The following ANK2 variants were observed in gnomAD, a reference collection of about 807,000 sequenced individuals.
ANK2 encodes the protein ankyrin-2.
A neutral mutation model predicts 360.5 loss-of-function variants in ANK2; 83 were observed. That is an observed-to-expected ratio of 0.23 (90% CI 0.19 to 0.28). ANK2 has a LOEUF of 0.28. Among genes scored for constraint, ANK2 ranks in the 10% least tolerant of loss-of-function variants. ANK2 has a pLI of 1.00. For synonymous variants in ANK2, 1,740 were observed against 1,759.5 expected (o/e 0.99, Z 0.28); for missense variants, 4,201 against 4,795.7 (o/e 0.88, Z 3.66).
At chr4:112,826,990 T>C (rs1217941373) in intron 1 of ANK2, 6 of 1,524,408 alleles carry the variant, frequency 3.9e-6, no homozygotes, top group African/African-American at 2.7e-5. Flanking sequence ...TTTCTTTTTA[T>C]TGGAGTTCTA....
At chr4:112,801,049 A>G in the ANK2 span, among the ~76,000 whole-genome samples, 1 of 151,850 alleles carries the variant, frequency 6.6e-6, no homozygotes, top group Non-Finnish European at 1.5e-5. Flanking sequence ...AGAATTATGT[A>G]GGACACCAAG....
At chr4:113,182,591 G>T (rs755293060) in intron 2 of ANK2, among the ~76,000 whole-genome samples, 1 of 152,040 alleles carries the variant, frequency 6.6e-6, no homozygotes, top group African/African-American at 2.4e-5. Flanking sequence ...AAAACCTGAA[G>T]TTGTGATTTC....
chr4:113,062,141 TATTA>T (rs2073784248), intron 1 of ANK2, among the ~76,000 whole-genome samples: 1 of 152,102 alleles, frequency 6.6e-6, no homozygotes, highest in Non-Finnish European at 1.5e-5. Context: ...AAAGCAGAAT[TATTA>T]ATTTAGAAGC....
At position 113,170,860 on chromosome 4, in the gene ANK2, A is replaced by G. The variant is rs534480551; in HGVS notation, c.85-3556A>G. Among the ~76,000 whole-genome samples, 6 of 152,302 alleles carry G rather than the reference A, an allele frequency of 3.9e-5. No individual in the cohort carries two copies. The South Asian group carries it at 1.2e-3, about 32-fold the overall frequency. ...GTCACTCCAGGGTTATAAAGGGGGC[A>G]AGTTTTAATGACATCCATCTGTTGC... On this transcript the variant is annotated intron_variant, in intron 1 of 45. Transcript: ENST00000357077.
At chr4:112,710,654 C>T in the ANK2 span, among the ~76,000 whole-genome samples, 2 of 151,110 alleles carry the variant, frequency 1.3e-5, no homozygotes, top group African/African-American at 2.4e-5. Flanking sequence ...GCCGAGATTG[C>T]ACCACTGCAC....
At chr4:112,888,854 T>C (rs191094737) in intron 1 of ANK2, among the ~76,000 whole-genome samples, 356 of 152,316 alleles carry the variant, frequency 2.3e-3, no homozygotes, top group Non-Finnish European at 4.4e-3. Flanking sequence ...GGTACCAACA[T>C]GTATCATGTC....
the ANK2 span, among the ~76,000 whole-genome samples, chr4:112,766,709 T>C: frequency 1.3e-5 from 2 of 152,320 alleles, no homozygotes; most frequent in Middle Eastern, 6.8e-3. Flanking sequence ...TTTAAACCCA[T>C]ACTTTAATCT....
At chr4:112,955,553 A>G (rs994960964) in intron 2 of ANK2, among the ~76,000 whole-genome samples, 2 of 151,112 alleles carry the variant, frequency 1.3e-5, no homozygotes, top group Non-Finnish European at 2.9e-5. Context: ...TTTTTTTTTT[A>G]AATGAATGTG....
chr4:112,747,952 A>G, the ANK2 span, among the ~76,000 whole-genome samples: 2 of 152,138 alleles, frequency 1.3e-5, no homozygotes, highest in African/African-American at 2.4e-5. Context: ...CATCAGATGT[A>G]TATTTACTAA....
At chr4:113,260,508 C>T (rs908144984) in intron 13 of ANK2, among the ~76,000 whole-genome samples, 4 of 152,110 alleles carry the variant, frequency 2.6e-5, no homozygotes, top group Admixed American at 2.6e-4. Flanking sequence ...TCCGTGTTTT[C>T]TAGTTATGTT....
At chr4:112,737,583 G>C in the ANK2 span, among the ~76,000 whole-genome samples, 1 of 152,230 alleles carries the variant, frequency 6.6e-6, no homozygotes, top group African/African-American at 2.4e-5. Context: ...GGGGTTGGAT[G>C]ATCCACTTCC....
chr4:113,367,503 T>G, intron 41 of ANK2, 63 bp from the exon 42 acceptor site: 5 of 1,417,248 alleles, frequency 3.5e-6, no homozygotes, highest in Non-Finnish European at 5.0e-6. Flanking sequence ...TATTTATTAC[T>G]TAATAAATAT....
In ANK2 at chr4:113,002,162, T is replaced by C. The variant is rs528598105; in HGVS notation, c.21+97648T>C. ...TAGCATTAGGTATATCTCCCAATGC[T>C]ATCCCTCTAGAACTAGAAGTACCAT... On this transcript the variant is annotated intron_variant, in intron 2 of 30. Transcript: ENST00000503271. 2.7e-4 allele frequency among the ~76,000 whole-genome samples: 41 copies of C among 152,286 alleles called. 1 individual carries two copies. In the East Asian group the frequency reaches 3.9e-3, roughly 14 times the overall value.
chr4:112,823,712 G>A (rs1162592089), intron 1 of ANK2, among the ~76,000 whole-genome samples: 2 of 152,160 alleles, frequency 1.3e-5, no homozygotes, highest in Non-Finnish European at 2.9e-5. Flanking sequence ...TGTAAACAAA[G>A]CAACAAATTT....
intron 2 of ANK2, among the ~76,000 whole-genome samples, chr4:113,192,455 G>C (rs556119269): frequency 6.6e-6 from 1 of 152,206 alleles, no homozygotes; most frequent in South Asian, 2.1e-4. Flanking sequence ...TTCATGATTT[G>C]AACCATGCTG....
the ANK2 span, among the ~76,000 whole-genome samples, chr4:112,755,258 C>G: frequency 7.9e-5 from 12 of 152,252 alleles, no homozygotes; most frequent in East Asian, 1.7e-3. Context: ...CTGCCACACA[C>G]GTTTTTAAAG....
intron 1 of ANK2, among the ~76,000 whole-genome samples, chr4:113,128,739 T>G (rs1353899859): frequency 6.6e-6 from 1 of 152,186 alleles, no homozygotes; most frequent in Non-Finnish European, 1.5e-5. Context: ...TTCGTCCACC[T>G]CGGCTTCCCA....
At chr4:112,810,023 A>G in the ANK2 span, among the ~76,000 whole-genome samples, 1 of 150,936 alleles carries the variant, frequency 6.6e-6, no homozygotes, top group Non-Finnish European at 1.5e-5. Context: ...ACATGTTGTC[A>G]TATTTACTTT....
At chr4:112,841,777 C>T (rs1019443783) in intron 1 of ANK2, among the ~76,000 whole-genome samples, 12 of 152,160 alleles carry the variant, frequency 7.9e-5, no homozygotes, top group South Asian at 2.1e-4. Context: ...TAGCTGTGTC[C>T]GCACTTGTAG....
Sources: gnomAD v4.1 joint callset for allele counts (sites outside exome capture counted in the v4.1 genomes callset) on GRCh38, gnomAD v4.1.1 for gene constraint, MANE v1.5 for transcripts, NCBI Gene and HGNC (gene_info 2026-07-23, HGNC 2026-07-21) for gene names.